The following KIF13B variants were observed in gnomAD, a reference collection of about 807,000 sequenced individuals.
The protein encoded by KIF13B is kinesin family member 13B.
Under a neutral mutation model 222.0 loss-of-function variants are expected in KIF13B, and 127 were observed. The ratio of observed to expected loss-of-function variants is 0.57; its 90% CI spans 0.50 to 0.66. The LOEUF (loss-of-function observed/expected upper bound fraction) is 0.66, where lower values mean the gene tolerates loss of function less well. Among genes scored for constraint, KIF13B ranks in the 30% least tolerant of loss-of-function variants. The pLI, the probability that KIF13B is intolerant of heterozygous loss-of-function variation, is 0.00. For missense variants in KIF13B, 2,173 were observed against 2,379.0 expected (o/e 0.91, Z 1.80); for synonymous variants, 976 against 919.0 (o/e 1.06, Z -1.12).
In KIF13B at chr8:29,127,228, T is replaced by G. The variant is rs1810152513; in HGVS notation, c.3116A>C (p.Gln1039Pro). 1 of 1,613,860 alleles carries G rather than the reference T, an allele frequency of 6.2e-7. No homozygotes were observed. Among genetic ancestry groups the G allele is most frequent in the Non-Finnish European group, 8.5e-7 (1 of 1,179,848 alleles). Reference protein sequence around the residue: ...RRVQVEVKSVQESGTLPLMEE... With the variant: ...RRVQVEVKSVPESGTLPLMEE... ...CATCAGTGGTAAAGTCCCAGATTCCTGCACTGACTTCACTTCGACTTGAAC... is the reference window on the plus strand; with the variant it reads ...CATCAGTGGTAAAGTCCCAGATTCCGGCACTGACTTCACTTCGACTTGAAC... Residue 1039 changes from glutamine (Q) to proline (P), a missense_variant, in exon 25 of 40, where the codon CAG becomes CCG. Physicochemically the swap from Gln to Pro is moderately conservative, Grantham distance 76. Coordinates refer to ENST00000524189, the MANE Select transcript of KIF13B (RefSeq NM_015254.4).
At chr8:29,126,565 A>G (rs1177660793) in intron 25 of KIF13B, 54 bp from the exon 26 acceptor site, 2 of 1,052,212 alleles carry the variant, frequency 1.9e-6, no homozygotes, top group Non-Finnish European at 2.9e-6. Flanking sequence ...TCCAAGAATC[A>G]GGCTACGCTA....
At chr8:29,232,455 T>C (rs1167804893) in intron 2 of KIF13B, among the ~76,000 whole-genome samples, 6 of 148,704 alleles carry the variant, frequency 4.0e-5, no homozygotes, top group Admixed American at 3.4e-4. Context: ...TATATATATA[T>C]ACTTATAAAG....
intron 18 of KIF13B, among the ~76,000 whole-genome samples, chr8:29,142,710 G>A (rs918794469): frequency 5.3e-5 from 8 of 151,306 alleles, no homozygotes; most frequent in African/African-American, 1.9e-4. Flanking sequence ...GTGGTGGCAC[G>A]TGCCTGTAAT....
intron 12 of KIF13B, among the ~76,000 whole-genome samples, chr8:29,164,588 A>C (rs1029945523): frequency 1.3e-5 from 2 of 152,228 alleles, no homozygotes; most frequent in Non-Finnish European, 2.9e-5. Context: ...TCTTAGCTAC[A>C]AAAGAACAAA....
intron 22 of KIF13B, among the ~76,000 whole-genome samples, chr8:29,132,752 T>C (rs1363346186): frequency 6.6e-6 from 1 of 152,232 alleles, no homozygotes; most frequent in Non-Finnish European, 1.5e-5. Flanking sequence ...TTTTGGGAGC[T>C]ATTTTTAAGA....
chr8:29,086,637 C>A (rs1448812465), intron 37 of KIF13B, among the ~76,000 whole-genome samples: 1 of 152,220 alleles, frequency 6.6e-6, no homozygotes, highest in East Asian at 1.9e-4. Context: ...CCATGTCGAT[C>A]CCCAAACCAT....
rs754670714 is a variant in KIF13B, at chr8:29,108,115, G to A, written c.4215+24C>T. 1.4e-5 allele frequency: 22 copies of A among 1,591,640 alleles called. No individual in the cohort carries two copies. In the South Asian group the frequency reaches 2.4e-4, roughly 17 times the overall value. ...AATGGGAAATGGGACTTAAAACACT[G>A]ATAGAAATAGTTAAAACACCTACCT... On this transcript the variant is annotated intron_variant, in intron 35 of 39. Transcript: ENST00000524189.
chr8:29,077,850 G>A (rs1440008487), intron 37 of KIF13B, among the ~76,000 whole-genome samples: 1 of 152,136 alleles, frequency 6.6e-6, no homozygotes, highest in Non-Finnish European at 1.5e-5. Flanking sequence ...CATGCGGGGG[G>A]CGTGGCACCA....
intron 3 of KIF13B, among the ~76,000 whole-genome samples, chr8:29,194,243 T>C (rs959682440): frequency 3.3e-5 from 5 of 152,058 alleles, no homozygotes; most frequent in Non-Finnish European, 5.9e-5. Context: ...ACTGTATATT[T>C]ATCAGAGATA....
intron 2 of KIF13B, among the ~76,000 whole-genome samples, chr8:29,199,333 C>T (rs1445513310): frequency 6.6e-6 from 1 of 151,998 alleles, no homozygotes; most frequent in Non-Finnish European, 1.5e-5. Context: ...TTGCAAGATA[C>T]TATTAGGATT....
intron 2 of KIF13B, among the ~76,000 whole-genome samples, chr8:29,227,147 A>G (rs1343767319): frequency 2.6e-5 from 4 of 152,232 alleles, no homozygotes; most frequent in Admixed American, 6.5e-5. Flanking sequence ...TCAATAAGGT[A>G]GTTAACCTAT....
rs781722667 is a variant in KIF13B at position 29,116,945 on chromosome 8, C to T, written c.3723G>A (p.Thr1241=). 22 of 1,612,094 alleles carry T rather than the reference C, an allele frequency of 1.4e-5. No individual in the cohort carries two copies. The highest frequency in any genetic ancestry group is 3.3e-5 in the Admixed American group (2 of 59,926). Residue 1241 remains threonine (T), a synonymous_variant, in exon 31 of 40, where the codon ACG becomes ACA. Coordinates refer to ENST00000524189, the MANE Select transcript of KIF13B (RefSeq NM_015254.4). ...VHGCPQLSRG[T]PVDERLFLIV... ...TCAGGAACAACCGCTCGTCCACGGG[C>T]GTGCCCCTGCTGAGCTGAGGGCAGC...
intron 37 of KIF13B, among the ~76,000 whole-genome samples, chr8:29,085,705 CTTTTTTTTTTTTTTTTT>C (rs71222589): frequency 2.1e-5 from 1 of 48,722 alleles, no homozygotes; most frequent in Non-Finnish European, 3.8e-5. Context: ...AAATACTCTT[CTTTTTTTTTTTTTTTTT>C]TTTTTTTTTT....
intron 24 of KIF13B, among the ~76,000 whole-genome samples, chr8:29,127,922 A>T (rs886406909): frequency 1.3e-5 from 2 of 151,968 alleles, no homozygotes; most frequent in Non-Finnish European, 2.9e-5. Context: ...ATAACCTTAA[A>T]CTGTGAAACA....
At chr8:29,092,646 C>A (rs946866303) in intron 37 of KIF13B, 99 bp downstream of exon 37, 10 of 1,339,744 alleles carry the variant, frequency 7.5e-6, no homozygotes, top group Non-Finnish European at 1.0e-5. Context: ...CCAGTTTAGC[C>A]CCAACCCAGA....
At chr8:29,130,772 G>C in intron 23 of KIF13B, 107 bp from the exon 24 acceptor site, 1 of 961,078 alleles carries the variant, frequency 1.0e-6, no homozygotes, top group Non-Finnish European at 1.6e-6. Context: ...CCTCCAAACA[G>C]AGTAATTCAG....
intron 10 of KIF13B, among the ~76,000 whole-genome samples, chr8:29,174,422 G>C (rs1054436664): frequency 6.6e-6 from 1 of 152,144 alleles, no homozygotes; most frequent in South Asian, 2.1e-4. Flanking sequence ...GTTTGAGACA[G>C]GAAAGAAAAG....
intron 38 of KIF13B, among the ~76,000 whole-genome samples, chr8:29,073,232 T>C (rs1807397049): frequency 6.7e-6 from 1 of 149,058 alleles, no homozygotes. Flanking sequence ...CTGGCTGCTA[T>C]GGAAAGCAGG....
chr8:29,067,518 C>T lies in KIF13B; in HGVS notation c.*2986G>A, dbSNP rs1434729183. The T allele has an allele frequency of 6.6e-6, 1 of 152,330 alleles. No individual in the cohort carries two copies. The highest frequency in any genetic ancestry group is 2.4e-5 in the African/African-American group (1 of 41,438). The allele number at this position is 152,330 out of a possible 1,614,324, so 9.4% of individuals were successfully genotyped here. The stretch of plus-strand genomic sequence containing the variant: ...CTCTTCGCATTTACACGAATCCACA[C>T]ATAGAGAAGCTGTTCCAAGACCCCC... On this transcript the variant is annotated 3_prime_UTR_variant, in exon 40 of 40. Coordinates refer to ENST00000524189, the MANE Select transcript of KIF13B (RefSeq NM_015254.4).
Sources: allele counts gnomAD v4.1 joint callset (sites outside exome capture counted in the v4.1 genomes callset), GRCh38; gene constraint gnomAD v4.1.1; transcripts MANE v1.5; gene names NCBI Gene and HGNC (gene_info 2026-07-23, HGNC 2026-07-21).